Variants in AGBL1 observed in about 807,000 individuals in gnomAD.
AGBL1 encodes AGBL carboxypeptidase 1.
AGBL1 carries 130 observed loss-of-function variants against 118.9 expected under a neutral mutation model. That is an observed-to-expected ratio of 1.09 (90% CI 0.95 to 1.26). AGBL1 has a LOEUF of 1.26. Ranked by LOEUF, AGBL1 falls within the 50% of genes most tolerant of loss-of-function variation. AGBL1 has a pLI of 0.00. For missense variants in AGBL1, 1,584 were observed against 1,298.1 expected (o/e 1.22, Z -3.38); for synonymous variants, 555 against 478.9 (o/e 1.16, Z -2.08).
intron 17 of AGBL1, among the ~76,000 whole-genome samples, chr15:86,362,559 T>C (rs1270277529): frequency 6.6e-6 from 1 of 152,164 alleles, no homozygotes; most frequent in Non-Finnish European, 1.5e-5. Context: ...ATAGGCATGT[T>C]TCCTGGATGC....
intron 22 of AGBL1, among the ~76,000 whole-genome samples, chr15:86,761,931 T>A (rs1027989930): frequency 6.6e-6 from 1 of 152,158 alleles, no homozygotes; most frequent in Non-Finnish European, 1.5e-5. Flanking sequence ...TGAATGGTAT[T>A]GCCTAGATTT....
At chr15:86,167,585 G>A (rs899507647) in intron 5 of AGBL1, among the ~76,000 whole-genome samples, 3 of 152,162 alleles carry the variant, frequency 2.0e-5, no homozygotes, top group African/African-American at 7.2e-5. Context: ...AATTCTTCAG[G>A]GATGGATTCC....
intron 18 of AGBL1, among the ~76,000 whole-genome samples, chr15:86,520,581 A>T (rs555880780): frequency 6.6e-6 from 1 of 152,278 alleles, no homozygotes; most frequent in East Asian, 1.9e-4. Flanking sequence ...GTTTCCATGG[A>T]GCATAGGGAA....
chr15:86,597,132 T>TCCATCC (rs372682484), intron 21 of AGBL1, among the ~76,000 whole-genome samples: 1 of 147,504 alleles, frequency 6.8e-6, no homozygotes, highest in Non-Finnish European at 1.5e-5. Flanking sequence ...AATCTACCTA[T>TCCATCC]ATCCATCCAT....
intron 21 of AGBL1, among the ~76,000 whole-genome samples, chr15:86,655,064 A>G (rs1475783284): frequency 1.3e-5 from 2 of 152,150 alleles, no homozygotes; most frequent in African/African-American, 4.8e-5. Context: ...ATCTGTTTAT[A>G]AGGGAGGTAA....
chr15:86,438,378 A>G (rs1319105603), intron 18 of AGBL1, among the ~76,000 whole-genome samples: 1 of 152,188 alleles, frequency 6.6e-6, no homozygotes, highest in Non-Finnish European at 1.5e-5. Context: ...GCAGATTGGA[A>G]TACTCTCTTT....
chr15:86,769,647 C>T (rs1043822489), intron 22 of AGBL1, among the ~76,000 whole-genome samples: 47 of 152,138 alleles, frequency 3.1e-4, no homozygotes, highest in African/African-American at 1.1e-3. Flanking sequence ...GACACTTGTT[C>T]ATTCACCATC....
chr15:86,348,882 A>C (rs928105155), intron 17 of AGBL1, among the ~76,000 whole-genome samples: 4 of 152,128 alleles, frequency 2.6e-5, no homozygotes, highest in Admixed American at 2.0e-4. Flanking sequence ...ATGTCCATTC[A>C]GAAAACTATG....
intron 5 of AGBL1, among the ~76,000 whole-genome samples, chr15:86,189,177 A>T (rs2077677767): frequency 6.6e-6 from 1 of 152,214 alleles, no homozygotes; most frequent in Non-Finnish European, 1.5e-5. Context: ...TCTGTGCTTT[A>T]AAACCATTTT....
chr15:86,652,658 C>T (rs993276098), intron 21 of AGBL1, among the ~76,000 whole-genome samples: 3 of 152,048 alleles, frequency 2.0e-5, no homozygotes, highest in Non-Finnish European at 4.4e-5. Flanking sequence ...TTTCTGGAAC[C>T]CTATTCTGAG....
At chr15:86,198,933 C>T (rs767410242) in intron 5 of AGBL1, among the ~76,000 whole-genome samples, 1 of 152,048 alleles carries the variant, frequency 6.6e-6, no homozygotes, top group Non-Finnish European at 1.5e-5. Context: ...TAAAGTAAAA[C>T]AGAAGTTTCT....
chr15:86,118,156 C>T (rs568828362), intron 1 of AGBL1, among the ~76,000 whole-genome samples: 2 of 152,254 alleles, frequency 1.3e-5, no homozygotes, highest in South Asian at 2.1e-4. Context: ...CCCAGGTGGA[C>T]TCAGTTCCAT....
At chr15:86,733,863 T>G (rs1259020462) in intron 22 of AGBL1, among the ~76,000 whole-genome samples, 6 of 152,164 alleles carry the variant, frequency 3.9e-5, no homozygotes, top group Non-Finnish European at 7.4e-5. Context: ...TAAAGTCCCT[T>G]TGCATGGGTC....
intron 16 of AGBL1, among the ~76,000 whole-genome samples, chr15:86,283,523 G>GA (rs539183289): frequency 1.8e-4 from 28 of 151,820 alleles, no homozygotes; most frequent in South Asian, 1.5e-3. Context: ...GAAGAAAGAA[G>GA]AAGAAAGAAA....
chr15:86,484,221 G>C (rs546336433), intron 18 of AGBL1, among the ~76,000 whole-genome samples: 1 of 152,186 alleles, frequency 6.6e-6, no homozygotes, highest in South Asian at 2.1e-4. Context: ...ATTGCAAGAA[G>C]GCACAGACTT....
intron 22 of AGBL1, among the ~76,000 whole-genome samples, chr15:86,681,351 A>C (rs1181896966): frequency 6.6e-6 from 1 of 152,114 alleles, no homozygotes; most frequent in Non-Finnish European, 1.5e-5. Context: ...TCATGTTTGT[A>C]CTATTGCCAG....
chr15:86,271,603 T>C lies in AGBL1; in HGVS notation c.1988-16T>C. 2 of 1,587,546 alleles carry C rather than the reference T, an allele frequency of 1.3e-6. No individual in the cohort carries two copies. The highest frequency in any genetic ancestry group is 8.7e-7 in the Non-Finnish European group (1 of 1,156,004). ...CTCTTTCCCTCATGGATTAATTCCT[T>C]TCTGATTTTGTGTAGGGATGCAGCC... On this transcript the variant is annotated splice_polypyrimidine_tract_variant and intron_variant, in intron 14 of 22. Transcript: ENST00000614907.
chr15:86,651,250 G>A (rs1293560599), intron 21 of AGBL1, among the ~76,000 whole-genome samples: 1 of 152,124 alleles, frequency 6.6e-6, no homozygotes, highest in Non-Finnish European at 1.5e-5. Context: ...TCTGATGTGG[G>A]CCCTGCAGGG....
At chr15:86,210,556 C>T (rs892799177) in intron 5 of AGBL1, among the ~76,000 whole-genome samples, 7 of 152,126 alleles carry the variant, frequency 4.6e-5, no homozygotes, top group Non-Finnish European at 7.4e-5. Flanking sequence ...TGCTTTAGTT[C>T]ATTAATTTGA....
Sources: gnomAD v4.1 joint callset for allele counts (sites outside exome capture counted in the v4.1 genomes callset) on GRCh38, gnomAD v4.1.1 for gene constraint, MANE v1.5 for transcripts, NCBI Gene and HGNC (gene_info 2026-07-23, HGNC 2026-07-21) for gene names.